Variants in KLF12 observed in about 807,000 individuals in gnomAD.
The protein encoded by KLF12 is Krueppel-like factor 12.
A neutral mutation model predicts 37.8 loss-of-function variants in KLF12; 9 were observed. That is an observed-to-expected ratio of 0.24 (90% confidence interval 0.14 to 0.42). The LOEUF (loss-of-function observed/expected upper bound fraction) is 0.42. KLF12 is among the 10% of genes least tolerant of loss of function. The pLI is 1.00. For missense variants in KLF12, 411 were observed against 516.0 expected (o/e 0.80, Z 1.97); for synonymous variants, 208 against 202.1 (o/e 1.03, Z -0.25).
chr13:74,093,239 G>A lies in KLF12; in HGVS notation c.-32+40500C>T, dbSNP rs530399269. 3.9e-5 allele frequency among the ~76,000 whole-genome samples: 6 copies of A among 152,220 alleles called. No individual in the cohort carries two copies. The South Asian group carries it at 6.2e-4, about 16-fold the overall frequency. ...TCACATAGTTAAGAAATGCTACAGCGGGCGGATAACTGGAGCAGAAATATA... is the reference window on the plus strand; with the variant it reads ...TCACATAGTTAAGAAATGCTACAGCAGGCGGATAACTGGAGCAGAAATATA... On this transcript the variant is annotated intron_variant, in intron 1 of 7. Transcript: ENST00000377669.
At chr13:74,153,361 G>A in the KLF12 span, among the ~76,000 whole-genome samples, 67,241 of 152,002 alleles carry the variant, frequency 0.44, 15,761 homozygotes, top group East Asian at 0.79. Context: ...AGGGACTGGC[G>A]AAAATATTGT....
intron 2 of KLF12, among the ~76,000 whole-genome samples, chr13:73,969,697 T>C (rs1346748270): frequency 6.6e-6 from 1 of 152,192 alleles, no homozygotes; most frequent in East Asian, 1.9e-4. Flanking sequence ...CCCCAGTCCC[T>C]GGGATACTGC....
chr13:73,846,214 C>T lies in KLF12; in HGVS notation c.283G>A (p.Ala95Thr), dbSNP rs531869423. 1.7e-4 allele frequency: 279 copies of T among 1,614,094 alleles called. 1 individual carries two copies. The South Asian group carries it at 3.0e-3, about 17-fold the overall frequency. ...ATGGAAACTGGGGAGGATGAAACGG[C>T]AGTAGGGGACGTCCTGGCTTTGTTT... is the stretch of plus-strand genomic sequence containing the variant. Residue 95 changes from alanine to threonine, a missense_variant, in exon 4 of 8, where the codon GCC becomes ACC. Physicochemically the swap from Ala to Thr is moderately conservative, Grantham distance 58. Coordinates refer to ENST00000377669, the MANE Select transcript of KLF12 (RefSeq NM_007249.5).
intron 3 of KLF12, among the ~76,000 whole-genome samples, chr13:73,868,591 A>G (rs1161993524): frequency 1.3e-5 from 2 of 151,998 alleles, no homozygotes; most frequent in African/African-American, 4.8e-5. Flanking sequence ...GGGTTTCACC[A>G]TATTGGCCAG....
intron 3 of KLF12, among the ~76,000 whole-genome samples, chr13:73,879,245 A>G (rs1886865867): frequency 6.6e-6 from 1 of 152,222 alleles, no homozygotes; most frequent in Non-Finnish European, 1.5e-5. Context: ...TCTGAAGCCC[A>G]AAGTGCCGGT....
the KLF12 span, among the ~76,000 whole-genome samples, chr13:74,152,240 C>A: frequency 6.6e-6 from 1 of 152,154 alleles, no homozygotes; most frequent in African/African-American, 2.4e-5. Context: ...TGGTTGGCAG[C>A]AATATTATAC....
chr13:74,073,500 G>T (rs1257692423), intron 1 of KLF12, among the ~76,000 whole-genome samples: 1 of 152,136 alleles, frequency 6.6e-6, no homozygotes, highest in Admixed American at 6.5e-5. Context: ...CAATAACTAT[G>T]CTTGTTTCTT....
intron 5 of KLF12, among the ~76,000 whole-genome samples, chr13:73,807,516 A>G (rs970753744): frequency 1.3e-5 from 2 of 152,208 alleles, no homozygotes; most frequent in Non-Finnish European, 2.9e-5. Flanking sequence ...TAATAAAAAC[A>G]GGCAGAGAAC....
rs902093434 is a variant in KLF12 at position 74,105,211 on chromosome 13, G to A, written c.-32+28528C>T. ...TGACGGTCTATAAGAAAGATCTGGAGACACACTGTCAAAGGAAATATTGAC... is the reference window on the plus strand; with the variant it reads ...TGACGGTCTATAAGAAAGATCTGGAAACACACTGTCAAAGGAAATATTGAC... On this transcript the variant is annotated intron_variant, in intron 1 of 7. Transcript: ENST00000377669. Among the ~76,000 whole-genome samples the A allele has an allele frequency of 6.6e-5, 10 of 152,258 alleles. No homozygotes were observed. The Middle Eastern group carries it at 0.01, about 155-fold the overall frequency.
chr13:74,294,579 C>A, the KLF12 span, among the ~76,000 whole-genome samples: 1 of 151,950 alleles, frequency 6.6e-6, no homozygotes, highest in Non-Finnish European at 1.5e-5. Flanking sequence ...ATGTTGACCA[C>A]CATGGTCTTG....
At chr13:74,254,980 T>A in the KLF12 span, among the ~76,000 whole-genome samples, 1 of 152,190 alleles carries the variant, frequency 6.6e-6, no homozygotes, top group African/African-American at 2.4e-5. Context: ...GCTGCTGTGA[T>A]CATCAGCCAA....
At chr13:74,033,579 C>T (rs1397649131) in intron 1 of KLF12, among the ~76,000 whole-genome samples, 1 of 152,156 alleles carries the variant, frequency 6.6e-6, no homozygotes, top group East Asian at 1.9e-4. Context: ...TCCTAGATTA[C>T]TTAATATTTC....
chr13:73,763,297 G>A (rs1053338023), intron 6 of KLF12, among the ~76,000 whole-genome samples: 2 of 152,086 alleles, frequency 1.3e-5, no homozygotes, highest in Non-Finnish European at 2.9e-5. Flanking sequence ...GCCTGTGTAT[G>A]TGACATCACA....
Position 73,686,090 on chromosome 13 carries a change from T to G in KLF12, c.*9400A>C, listed in dbSNP as rs1441459634. On this transcript the variant is annotated 3_prime_UTR_variant, in exon 8 of 8. Transcript: ENST00000377669. Reference sequence around the variant, plus strand: ...AAAGTGTCTGAGTCAGTTAGGGAGTTTTGTTCCATACAAAATGCTTTATTT... The same window carrying G: ...AAAGTGTCTGAGTCAGTTAGGGAGTGTTGTTCCATACAAAATGCTTTATTT... 1 of 152,648 alleles carries G rather than the reference T, an allele frequency of 6.6e-6. No homozygotes were observed. Among genetic ancestry groups the G allele is most frequent in the African/African-American group, 2.4e-5 (1 of 41,460 alleles). 9.5% of individuals were successfully genotyped at this position (152,648 alleles called of 1,614,324 possible).
At chr13:73,879,414 C>G (rs1346372241) in intron 3 of KLF12, among the ~76,000 whole-genome samples, 1 of 151,962 alleles carries the variant, frequency 6.6e-6, no homozygotes, top group Non-Finnish European at 1.5e-5. Flanking sequence ...ATTTGAGTCA[C>G]AAAAAGAAAA....
At chr13:73,881,963 A>G (rs1594207886) in intron 3 of KLF12, among the ~76,000 whole-genome samples, 1 of 152,334 alleles carries the variant, frequency 6.6e-6, no homozygotes, top group Middle Eastern at 3.4e-3. Flanking sequence ...TCATCCATAC[A>G]ACCCAAAATA....
chr13:73,763,731 CT>C (rs1429270550), intron 6 of KLF12, among the ~76,000 whole-genome samples: 1 of 152,094 alleles, frequency 6.6e-6, no homozygotes, highest in East Asian at 1.9e-4. Context: ...AAGAACAGAC[CT>C]GATTTGTCCC....
chr13:73,767,686 G>C (rs1040746175), intron 5 of KLF12, among the ~76,000 whole-genome samples: 1 of 151,684 alleles, frequency 6.6e-6, no homozygotes, highest in Non-Finnish European at 1.5e-5. Flanking sequence ...CAGAGAGCAT[G>C]TTTATAATTT....
At chr13:74,219,493 A>G in the KLF12 span, among the ~76,000 whole-genome samples, 1 of 152,236 alleles carries the variant, frequency 6.6e-6, no homozygotes, top group Non-Finnish European at 1.5e-5. Flanking sequence ...AGCAATTCAT[A>G]TACCTTGTAT....
Sources: allele counts gnomAD v4.1 joint callset (sites outside exome capture counted in the v4.1 genomes callset), GRCh38; gene constraint gnomAD v4.1.1; transcripts MANE v1.5; gene names NCBI Gene and HGNC (gene_info 2026-07-23, HGNC 2026-07-21).